CRYBG1: variants seen among roughly 807,000 people sequenced by gnomAD.
The protein encoded by CRYBG1 is crystallin beta-gamma domain containing 1.
A neutral mutation model predicts 189.2 loss-of-function variants in CRYBG1; 139 were observed. The ratio of observed to expected loss-of-function variants is 0.73; its 90% CI spans 0.64 to 0.85. The LOEUF (loss-of-function observed/expected upper bound fraction) is 0.85, where lower values mean the gene tolerates loss of function less well. CRYBG1 is among the 40% of genes least tolerant of loss of function. The pLI is 0.00. For synonymous variants in CRYBG1, 1,023 were observed against 1,017.1 expected (o/e 1.01, Z -0.11); for missense variants, 2,611 against 2,675.8 (o/e 0.98, Z 0.53).
At chr6:106,375,150 G>A (rs1229940283) in intron 1 of CRYBG1, among the ~76,000 whole-genome samples, 1 of 151,668 alleles carries the variant, frequency 6.6e-6, no homozygotes, top group Non-Finnish European at 1.5e-5. Context: ...TGGGGAAGCT[G>A]AGGCAGGAGG....
chr6:106,384,578 A>C (rs1770349537), intron 1 of CRYBG1, among the ~76,000 whole-genome samples: 1 of 152,096 alleles, frequency 6.6e-6, no homozygotes, highest in Non-Finnish European at 1.5e-5. Flanking sequence ...TTTTGCTTGC[A>C]GTCACTGAAG....
intron 1 of CRYBG1, among the ~76,000 whole-genome samples, chr6:106,431,671 A>G (rs1246380044): frequency 6.6e-6 from 1 of 152,238 alleles, no homozygotes; most frequent in Non-Finnish European, 1.5e-5. Flanking sequence ...AAATACACAC[A>G]GAAATGGCCA....
intron 1 of CRYBG1, among the ~76,000 whole-genome samples, chr6:106,445,161 A>G (rs1771643269): frequency 6.6e-6 from 1 of 152,212 alleles, no homozygotes; most frequent in Non-Finnish European, 1.5e-5. Flanking sequence ...TACTTGGGTT[A>G]GTGGTGTAGC....
chr6:106,395,769 A>G (rs1770590951), intron 1 of CRYBG1, among the ~76,000 whole-genome samples: 1 of 152,012 alleles, frequency 6.6e-6, no homozygotes, highest in Non-Finnish European at 1.5e-5. Flanking sequence ...TTATTACATT[A>G]CAAAGATACT....
chr6:106,531,058 T>G (rs1039558025), intron 8 of CRYBG1, among the ~76,000 whole-genome samples: 2 of 152,220 alleles, frequency 1.3e-5, no homozygotes. Flanking sequence ...CAGAGAATGC[T>G]CAAATGTTTT....
intron 1 of CRYBG1, among the ~76,000 whole-genome samples, chr6:106,367,462 C>A (rs537706783): frequency 6.6e-6 from 1 of 151,720 alleles, no homozygotes; most frequent in South Asian, 2.1e-4. Context: ...TGGCATACGC[C>A]TGTAATCCCG....
intron 1 of CRYBG1, 139 bp from the exon 2 acceptor site, chr6:106,451,555 C>A: frequency 3.6e-6 from 3 of 829,088 alleles, no homozygotes; most frequent in South Asian, 2.4e-5. Flanking sequence ...TCTACAACGC[C>A]GTGTAGGTTT....
intron 1 of CRYBG1, among the ~76,000 whole-genome samples, chr6:106,361,407 C>T (rs976876341): frequency 3.9e-5 from 6 of 152,188 alleles, no homozygotes; most frequent in African/African-American, 1.2e-4. Flanking sequence ...GGGTTGTTAC[C>T]GTCCTAAATG....
intron 8 of CRYBG1, among the ~76,000 whole-genome samples, chr6:106,538,870 G>A (rs1203438742): frequency 2.7e-5 from 4 of 145,760 alleles, no homozygotes; most frequent in African/African-American, 7.7e-5. Flanking sequence ...ACTCCAGCCT[G>A]GGTGACAGAA....
At chr6:106,462,317 C>A (rs1772029469) in intron 2 of CRYBG1, among the ~76,000 whole-genome samples, 1 of 152,146 alleles carries the variant, frequency 6.6e-6, no homozygotes, top group Non-Finnish European at 1.5e-5. Context: ...ACTACAGGCG[C>A]CCGCCACCAT....
At chr6:106,465,087 A>G (rs1772085237) in intron 2 of CRYBG1, among the ~76,000 whole-genome samples, 1 of 152,230 alleles carries the variant, frequency 6.6e-6, no homozygotes, top group African/African-American at 2.4e-5. Flanking sequence ...CCTAATTCCC[A>G]GCTGGCATTG....
intron 2 of CRYBG1, among the ~76,000 whole-genome samples, chr6:106,457,626 A>G (rs1771915991): frequency 6.6e-6 from 1 of 152,214 alleles, no homozygotes; most frequent in Non-Finnish European, 1.5e-5. Context: ...GACTTGTGCC[A>G]TCTGGTGTGA....
At chr6:106,412,305 T>C (rs1770939191) in intron 1 of CRYBG1, among the ~76,000 whole-genome samples, 1 of 152,272 alleles carries the variant, frequency 6.6e-6, no homozygotes, top group African/African-American at 2.4e-5. Context: ...CTTATGCTGA[T>C]GGCTTGAGTT....
intron 21 of CRYBG1, among the ~76,000 whole-genome samples, chr6:106,567,654 C>T (rs1017731594): frequency 6.6e-6 from 1 of 151,356 alleles, no homozygotes; most frequent in Non-Finnish European, 1.5e-5. Flanking sequence ...AAGGATAAGC[C>T]ATCTGAAGGG....
At chr6:106,447,549 T>TAA (rs1275817262) in intron 1 of CRYBG1, among the ~76,000 whole-genome samples, 1 of 15,372 alleles carries the variant, frequency 6.5e-5, no homozygotes, top group Non-Finnish European at 2.0e-4. Flanking sequence ...ACCTCATAAA[T>TAA]ATATATATAT....
chr6:106,465,611 G>T (rs1772100417), intron 2 of CRYBG1, among the ~76,000 whole-genome samples: 1 of 151,008 alleles, frequency 6.6e-6, no homozygotes, highest in Non-Finnish European at 1.5e-5. Flanking sequence ...ATGTTGTACT[G>T]CTGGAAAAAA....
intron 1 of CRYBG1, among the ~76,000 whole-genome samples, chr6:106,419,509 A>G (rs1490330610): frequency 6.6e-6 from 1 of 152,186 alleles, no homozygotes; most frequent in East Asian, 1.9e-4. Context: ...CAGCTCCCTG[A>G]GTAGCTGGGA....
At chr6:106,513,121 A>C in intron 3 of CRYBG1, 82 bp downstream of exon 3, 1 of 1,459,662 alleles carries the variant, frequency 6.9e-7, no homozygotes, top group Non-Finnish European at 9.1e-7. Flanking sequence ...GGGTATCTGC[A>C]TTGTGGAAGA....
chr6:106,449,286 A>T (rs1771731016), intron 1 of CRYBG1: 1 of 152,222 alleles, frequency 6.6e-6, no homozygotes, highest in African/African-American at 2.4e-5. Flanking sequence ...GGAGTCAGTC[A>T]ATGGGCACAT....
Sources: allele counts gnomAD v4.1 joint callset (sites outside exome capture counted in the v4.1 genomes callset), GRCh38; gene constraint gnomAD v4.1.1; transcripts MANE v1.5; gene names NCBI Gene and HGNC (gene_info 2026-07-23, HGNC 2026-07-21).